Variants in SYN3 observed in about 807,000 individuals in gnomAD.
SYN3 encodes the protein synapsin-3.
Under a neutral mutation model 65.8 loss-of-function variants are expected in SYN3, and 35 were observed. The observed-to-expected ratio is 0.53, with a 90% CI of 0.41 to 0.70. The LOEUF (loss-of-function observed/expected upper bound fraction) is 0.70. Among genes scored for constraint, SYN3 ranks in the 30% least tolerant of loss-of-function variants. The pLI is 0.00. For synonymous variants in SYN3, 270 were observed against 292.9 expected (o/e 0.92, Z 0.80); for missense variants, 680 against 749.0 (o/e 0.91, Z 1.08).
intron 6 of SYN3, among the ~76,000 whole-genome samples, chr22:32,834,667 T>C (rs1024380969): frequency 1.3e-5 from 2 of 152,210 alleles, no homozygotes; most frequent in East Asian, 1.9e-4. Context: ...GAAGCAGGCA[T>C]GTGCAGTTTA....
chr22:32,724,461 G>GT, intron 6 of SYN3, among the ~76,000 whole-genome samples: 1 of 152,242 alleles, frequency 6.6e-6, no homozygotes, highest in Middle Eastern at 3.4e-3. Flanking sequence ...TCTTAGGCAA[G>GT]TTACCTAACC....
intron 6 of SYN3, among the ~76,000 whole-genome samples, chr22:32,626,513 T>C (rs1410111999): frequency 6.6e-6 from 1 of 151,898 alleles, no homozygotes; most frequent in Non-Finnish European, 1.5e-5. Context: ...CAGCTTTGAG[T>C]AAACAAGGAC....
intron 2 of SYN3, among the ~76,000 whole-genome samples, chr22:33,000,352 C>G (rs2053021601): frequency 6.6e-6 from 1 of 152,172 alleles, no homozygotes; most frequent in Admixed American, 6.5e-5. Context: ...TCTTTAAATG[C>G]CTGGCCATGA....
At chr22:33,000,256 C>T (rs1294861948) in intron 2 of SYN3, among the ~76,000 whole-genome samples, 2 of 152,136 alleles carry the variant, frequency 1.3e-5, no homozygotes, top group Non-Finnish European at 2.9e-5. Context: ...AGAGCATCAC[C>T]TTTAGTTCAG....
chr22:32,943,725 T>C (rs1350905513), intron 3 of SYN3, among the ~76,000 whole-genome samples: 4 of 152,004 alleles, frequency 2.6e-5, no homozygotes, highest in Non-Finnish European at 5.9e-5. Flanking sequence ...GAGACACACA[T>C]AGACTCAAAA....
chr22:32,563,466 T>C (rs943903268), intron 7 of SYN3, among the ~76,000 whole-genome samples: 6 of 152,138 alleles, frequency 3.9e-5, no homozygotes, highest in African/African-American at 1.4e-4. Flanking sequence ...TTGATGAGGC[T>C]GACACAGGTG....
intron 3 of SYN3, 78 bp from the exon 4 acceptor site, chr22:32,931,559 T>C (rs2050635203): frequency 3.1e-6 from 3 of 978,250 alleles, no homozygotes; most frequent in East Asian, 2.4e-5. Context: ...ATTGGGTACT[T>C]AGAGGTACAA....
chr22:32,533,718 C>A, intron 10 of SYN3, 75 bp downstream of exon 10: 2 of 1,022,606 alleles, frequency 2.0e-6, no homozygotes, highest in Non-Finnish European at 3.0e-6. Context: ...TGCCAAAGAC[C>A]ATGCAGGGAT....
chr22:32,513,844 G>T lies in SYN3; in HGVS notation c.1611-20C>A. 6.2e-7 allele frequency: 1 copy of T among 1,613,960 alleles called. No individual in the cohort carries two copies. Among genetic ancestry groups the T allele is most frequent in the South Asian group, 1.1e-5 (1 of 91,034 alleles). On this transcript the variant is annotated intron_variant, in intron 13 of 13. Transcript: ENST00000358763. The stretch of plus-strand genomic sequence containing the variant: ...GATTTGCTGAAACAGAAAGGCAAGG[G>T]GGTTGAGGAAGACAAGGCGAAGACT...
intron 7 of SYN3, among the ~76,000 whole-genome samples, chr22:32,579,486 G>A (rs117362445): frequency 2.0e-4 from 30 of 152,272 alleles, no homozygotes; most frequent in East Asian, 9.6e-4. Flanking sequence ...TCCTATTCAC[G>A]TGGGCAGAGT....
At chr22:32,578,165 CCTTTTCTTTT>C in intron 7 of SYN3, among the ~76,000 whole-genome samples, 1 of 151,976 alleles carries the variant, frequency 6.6e-6, no homozygotes, top group African/African-American at 2.4e-5. Context: ...TTCTTTCTTT[CCTTTTCTTTT>C]CTTTCTTTCT....
rs2060436220 is a variant in SYN3 at position 32,676,056 on chromosome 22, C to T, written c.712-79320G>A. On this transcript the variant is annotated intron_variant, in intron 6 of 13. Transcript: ENST00000358763. ...AGCACTCTTCCAGCCCCAGGATGAA[C>T]TCTGAGGATGAAGACTACCTGAAAG... Among the ~76,000 whole-genome samples, 2 of 151,588 alleles carry T rather than the reference C, an allele frequency of 1.3e-5. 1 individual carries two copies. Among genetic ancestry groups the T allele is most frequent in the South Asian group, 4.2e-4 (2 of 4,806 alleles).
At chr22:32,643,131 T>G (rs1162203339) in intron 6 of SYN3, among the ~76,000 whole-genome samples, 1 of 152,108 alleles carries the variant, frequency 6.6e-6, no homozygotes, top group Non-Finnish European at 1.5e-5. Context: ...CAGGCCGGAG[T>G]GCAATGATGT....
At chr22:32,942,019 G>A (rs2146763528) in intron 3 of SYN3, among the ~76,000 whole-genome samples, 1 of 152,340 alleles carries the variant, frequency 6.6e-6, no homozygotes, top group South Asian at 2.1e-4. Flanking sequence ...CACCTCTGGG[G>A]GCAGGGCATA....
At chr22:32,984,508 T>C (rs2052468069) in intron 2 of SYN3, among the ~76,000 whole-genome samples, 1 of 152,154 alleles carries the variant, frequency 6.6e-6, no homozygotes, top group Non-Finnish European at 1.5e-5. Flanking sequence ...CCTTGGAAAA[T>C]GGACCAAGGA....
intron 6 of SYN3, among the ~76,000 whole-genome samples, chr22:32,764,163 G>A (rs1227131762): frequency 2.6e-5 from 4 of 152,094 alleles, no homozygotes; most frequent in East Asian, 3.9e-4. Context: ...GGCTGGTCTC[G>A]AACTCCAGAC....
chr22:33,003,819 T>C (rs904921653), intron 2 of SYN3, among the ~76,000 whole-genome samples: 1 of 152,172 alleles, frequency 6.6e-6, no homozygotes, highest in Non-Finnish European at 1.5e-5. Flanking sequence ...TCAGAGACCT[T>C]GGGGGCAGCC....
intron 7 of SYN3, among the ~76,000 whole-genome samples, chr22:32,566,275 T>A (rs188786144): frequency 6.6e-6 from 1 of 152,230 alleles, no homozygotes; most frequent in Non-Finnish European, 1.5e-5. Flanking sequence ...TATTTTATAC[T>A]CAGCCTATCT....
intron 4 of SYN3, among the ~76,000 whole-genome samples, chr22:32,905,671 C>T (rs960072393): frequency 6.6e-6 from 1 of 152,234 alleles, no homozygotes; most frequent in Non-Finnish European, 1.5e-5. Flanking sequence ...AAGGCTCCCA[C>T]ATAGCTGATA....
Sources: allele counts gnomAD v4.1 joint callset (sites outside exome capture counted in the v4.1 genomes callset), GRCh38; gene constraint gnomAD v4.1.1; transcripts MANE v1.5; gene names NCBI Gene and HGNC (gene_info 2026-07-23, HGNC 2026-07-21).